The following CSMD1 variants were observed in gnomAD, a reference collection of about 807,000 sequenced individuals.
CSMD1 encodes CUB and Sushi multiple domains 1, also known as CUB and sushi domain-containing protein 1.
Under a neutral mutation model 417.5 loss-of-function variants are expected in CSMD1, and 213 were observed. The observed-to-expected ratio is 0.51, with a 90% CI of 0.46 to 0.57. CSMD1 has a LOEUF of 0.57. Among genes scored for constraint, CSMD1 ranks in the 20% least tolerant of loss-of-function variants. CSMD1 has a pLI of 0.00. For synonymous variants in CSMD1, 2,862 were observed against 1,736.8 expected (o/e 1.65, Z -16.11); for missense variants, 6,923 against 4,529.7 (o/e 1.53, Z -15.17).
chr8:4,204,312 A>T (rs1237018685), intron 3 of CSMD1, among the ~76,000 whole-genome samples: 1 of 152,138 alleles, frequency 6.6e-6, no homozygotes, highest in East Asian at 1.9e-4. Context: ...CTTTCTCAGA[A>T]TCAGAATAGT....
chr8:3,406,107 T>G lies in CSMD1; in HGVS notation c.2186A>C (p.Lys729Thr). Residue 729 changes from lysine to threonine, a missense_variant, in exon 15 of 70, where the codon AAG becomes ACG. By Grantham distance (78) the Lys-to-Thr change is moderately conservative. Transcript: ENST00000635120. ...VSFHCDDGFV[K>T]TQGSESITCI... is the part of the protein sequence containing the mutation. ...GGTAATGGACTCGGATCCCTGGGTC[T>G]TGACAAAGCCATCATCACAGTGGAA... is the stretch of plus-strand genomic sequence containing the variant. 6.2e-7 allele frequency: 1 copy of G among 1,613,922 alleles called. No individual in the cohort carries two copies. The highest frequency in any genetic ancestry group is 8.5e-7 in the Non-Finnish European group (1 of 1,179,888).
At chr8:3,673,006 G>C (rs892086053) in intron 7 of CSMD1, among the ~76,000 whole-genome samples, 1 of 152,156 alleles carries the variant, frequency 6.6e-6, no homozygotes, top group African/African-American at 2.4e-5. Flanking sequence ...CACATACCAT[G>C]CTTTCCTTGT....
At chr8:3,760,021 C>A (rs1797904096) in intron 5 of CSMD1, among the ~76,000 whole-genome samples, 1 of 151,874 alleles carries the variant, frequency 6.6e-6, no homozygotes, top group Admixed American at 6.6e-5. Flanking sequence ...TCCAGAAACA[C>A]AGGACACACG....
At chr8:2,954,480 A>G (rs59020696) in intron 64 of CSMD1, among the ~76,000 whole-genome samples, 1,669 of 152,278 alleles carry the variant, frequency 0.011, 23 homozygotes, top group African/African-American at 0.038. Context: ...TGAAAAATCA[A>G]TGTACATCTA....
intron 3 of CSMD1, among the ~76,000 whole-genome samples, chr8:4,414,774 A>C (rs1048263885): frequency 6.6e-6 from 1 of 152,312 alleles, no homozygotes; most frequent in Admixed American, 6.5e-5. Context: ...ATTTTTGAGT[A>C]TGTATCATGT....
intron 5 of CSMD1, among the ~76,000 whole-genome samples, chr8:3,970,105 G>C (rs758379219): frequency 2.0e-5 from 3 of 152,254 alleles, no homozygotes; most frequent in South Asian, 2.1e-4. Flanking sequence ...ACCTTCCTTT[G>C]TGAGAAATCT....
At chr8:3,521,261 A>G (rs1383348807) in intron 10 of CSMD1, among the ~76,000 whole-genome samples, 1 of 152,134 alleles carries the variant, frequency 6.6e-6, no homozygotes, top group Non-Finnish European at 1.5e-5. Flanking sequence ...GGATTCGTCC[A>G]ATCTGCTTCC....
chr8:4,728,778 T>A (rs904908447), intron 1 of CSMD1, among the ~76,000 whole-genome samples: 1 of 151,656 alleles, frequency 6.6e-6, no homozygotes, highest in East Asian at 1.9e-4. Flanking sequence ...AATAACCAGA[T>A]GTCTGCTGCC....
rs76694555 is a variant in CSMD1, at chr8:3,976,910, G to C, written c.818+20993C>G. On this transcript the variant is annotated intron_variant, in intron 5 of 69. Coordinates refer to ENST00000635120, the MANE Select transcript of CSMD1 (RefSeq NM_033225.6). ...CCTTGAATTTGTTTGCAAATGACTTGTTAGCCATTTACATAGTGTCTAGTA... is the reference window on the plus strand; with the variant it reads ...CCTTGAATTTGTTTGCAAATGACTTCTTAGCCATTTACATAGTGTCTAGTA... Among the ~76,000 whole-genome samples, 16 of 152,242 alleles carry C rather than the reference G, an allele frequency of 1.1e-4. No individual in the cohort carries two copies. In the East Asian group the frequency reaches 2.9e-3, roughly 28 times the overall value.
chr8:3,634,408 C>T (rs886266057), intron 7 of CSMD1, among the ~76,000 whole-genome samples: 2 of 152,172 alleles, frequency 1.3e-5, no homozygotes, highest in African/African-American at 4.8e-5. Context: ...CTGTGGTCTG[C>T]AATCCTCTGT....
At chr8:4,350,869 G>C (rs10105465) in intron 3 of CSMD1, among the ~76,000 whole-genome samples, 3 of 152,068 alleles carry the variant, frequency 2.0e-5, no homozygotes, top group African/African-American at 7.2e-5. Flanking sequence ...CTCTAGTTCC[G>C]GTGGATGGAG....
At chr8:4,403,631 C>T (rs1013056860) in intron 3 of CSMD1, among the ~76,000 whole-genome samples, 3 of 152,142 alleles carry the variant, frequency 2.0e-5, no homozygotes, top group African/African-American at 4.8e-5. Context: ...ATCTGGTCTA[C>T]TTAGTCGGTG....
intron 7 of CSMD1, among the ~76,000 whole-genome samples, chr8:3,662,424 T>G (rs993185759): frequency 1.3e-5 from 2 of 152,208 alleles, no homozygotes; most frequent in African/African-American, 4.8e-5. Flanking sequence ...CACATTTTCT[T>G]TATCCAGTCT....
chr8:3,093,623 G>A (rs891764563), intron 47 of CSMD1, among the ~76,000 whole-genome samples: 11 of 151,966 alleles, frequency 7.2e-5, no homozygotes, highest in Non-Finnish European at 2.9e-5. Context: ...AGCTGAGGTT[G>A]TGCCATTGCA....
intron 5 of CSMD1, among the ~76,000 whole-genome samples, chr8:3,981,760 C>G (rs1241511745): frequency 6.6e-6 from 1 of 152,166 alleles, no homozygotes; most frequent in Non-Finnish European, 1.5e-5. Context: ...ACCCTGCCGT[C>G]CGACAGGCTG....
chr8:3,314,585 T>G (rs1584984152), intron 23 of CSMD1, among the ~76,000 whole-genome samples: 1 of 152,336 alleles, frequency 6.6e-6, no homozygotes, highest in East Asian at 1.9e-4. Context: ...TAATTCTATT[T>G]CTTTGTTTTC....
rs191230319 is a variant in CSMD1 at position 3,440,952 on chromosome 8, G to A, written c.1561+27760C>T. Among the ~76,000 whole-genome samples, 69 of 152,238 alleles carry A rather than the reference G, an allele frequency of 4.5e-4. 1 individual carries two copies. The highest frequency in any genetic ancestry group is 9.2e-4 in the Admixed American group (14 of 15,298). On this transcript the variant is annotated intron_variant, in intron 12 of 69. Coordinates refer to ENST00000635120, the MANE Select transcript of CSMD1 (RefSeq NM_033225.6). The stretch of plus-strand genomic sequence containing the variant: ...GACGTGGTGACTGTGATTTTATTTG[G>A]AAAATGGGTCTTTGCAGATGGAATG...
At chr8:4,336,607 G>A (rs1459090537) in intron 3 of CSMD1, among the ~76,000 whole-genome samples, 5 of 152,144 alleles carry the variant, frequency 3.3e-5, no homozygotes, top group African/African-American at 9.6e-5. Context: ...CACACAAAGT[G>A]CATTTGTTGT....
At chr8:4,558,767 C>A (rs1314056302) in intron 2 of CSMD1, among the ~76,000 whole-genome samples, 1 of 152,150 alleles carries the variant, frequency 6.6e-6, no homozygotes, top group Non-Finnish European at 1.5e-5. Flanking sequence ...ACTCCGGAGG[C>A]TGAGGCAGGA....
Sources: allele counts gnomAD v4.1 joint callset (sites outside exome capture counted in the v4.1 genomes callset), GRCh38; gene constraint gnomAD v4.1.1; transcripts MANE v1.5; gene names NCBI Gene and HGNC (gene_info 2026-07-23, HGNC 2026-07-21).